Variants in LAPTM4A observed in about 807,000 individuals in gnomAD.
LAPTM4A encodes lysosomal protein transmembrane 4 alpha.
A neutral mutation model predicts 29.9 loss-of-function variants in LAPTM4A; 19 were observed. The ratio of observed to expected loss-of-function variants is 0.64; its 90% CI spans 0.44 to 0.93. The LOEUF is 0.93. Ranked by LOEUF, LAPTM4A falls within the 40% of genes least tolerant of loss-of-function variation. The pLI, the probability that LAPTM4A is intolerant of heterozygous loss-of-function variation, is 0.00. For synonymous variants in LAPTM4A, 105 were observed against 102.1 expected (o/e 1.03, Z -0.17); for missense variants, 293 against 288.5 (o/e 1.02, Z -0.11).
At position 20,046,785 on chromosome 2, in the gene LAPTM4A, TATATA is replaced by T. The variant is rs202010489; in HGVS notation, c.111+4620_111+4624del. 4.3e-3 allele frequency among the ~76,000 whole-genome samples: 632 copies of T among 145,524 alleles called. 2 individuals are homozygous for T. The highest frequency in any genetic ancestry group is 0.016 in the South Asian group (76 of 4,740). ...ATATATAATATAATATATAAATATATATATAATATAATATATATTTTTTTTTGGTA... is the reference window on the plus strand; with the variant it reads ...ATATATAATATAATATATAAATATATATATAATATATATTTTTTTTTGGTA... On this transcript the variant is annotated intron_variant, in intron 1 of 6. Transcript: ENST00000175091.
intron 5 of LAPTM4A, 55 bp downstream of exon 5, chr2:20,034,911 GT>G: frequency 7.8e-7 from 1 of 1,285,498 alleles, no homozygotes; most frequent in Non-Finnish European, 1.1e-6. Context: ...CAGCAAAAAG[GT>G]TTAGATTCAC....
chr2:20,044,146 A>G (rs911172109), intron 1 of LAPTM4A, among the ~76,000 whole-genome samples: 1 of 152,206 alleles, frequency 6.6e-6, no homozygotes, highest in African/African-American at 2.4e-5. Context: ...CCCAGTTGAA[A>G]GCTGATTTTT....
At chr2:20,046,069 CA>C (rs1673911706) in intron 1 of LAPTM4A, among the ~76,000 whole-genome samples, 1 of 152,142 alleles carries the variant, frequency 6.6e-6, no homozygotes, top group Non-Finnish European at 1.5e-5. Flanking sequence ...TGGAAACCAT[CA>C]TTCTCAGCAA....
intron 2 of LAPTM4A, among the ~76,000 whole-genome samples, chr2:20,040,434 T>C (rs1673769561): frequency 6.6e-6 from 1 of 152,226 alleles, no homozygotes; most frequent in Non-Finnish European, 1.5e-5. Flanking sequence ...CCTTATTATG[T>C]AACCATTTTA....
chr2:20,034,049 C>T (rs1673630738), intron 6 of LAPTM4A, among the ~76,000 whole-genome samples: 1 of 152,198 alleles, frequency 6.6e-6, no homozygotes, highest in Admixed American at 6.5e-5. Flanking sequence ...CAGCTGTTTC[C>T]TGTCATCTCC....
chr2:20,045,731 G>A (rs1343032728), intron 1 of LAPTM4A, among the ~76,000 whole-genome samples: 1 of 152,180 alleles, frequency 6.6e-6, no homozygotes, highest in Non-Finnish European at 1.5e-5. Context: ...AGGGCCTGAA[G>A]AGAGGAATTC....
intron 2 of LAPTM4A, among the ~76,000 whole-genome samples, chr2:20,039,046 A>T (rs1351119912): frequency 1.3e-5 from 2 of 152,146 alleles, no homozygotes; most frequent in East Asian, 3.9e-4. Flanking sequence ...CCTCCAGAGT[A>T]GCTAGGATTG....
chr2:20,040,455 A>T (rs1346506013), intron 2 of LAPTM4A, among the ~76,000 whole-genome samples: 1 of 152,236 alleles, frequency 6.6e-6, no homozygotes, highest in Non-Finnish European at 1.5e-5. Flanking sequence ...ACTTTCTGAA[A>T]TGTAACTTAA....
At position 20,034,338 on chromosome 2, in the gene LAPTM4A, A is replaced by C; in HGVS notation, c.606T>G (p.Pro202=). 1 of 1,613,594 alleles carries C rather than the reference A, an allele frequency of 6.2e-7. No individual in the cohort carries two copies. Residue 202 remains proline (P), a synonymous_variant, in exon 6 of 7, where the codon CCT becomes CCG. Coordinates refer to ENST00000175091, the MANE Select transcript of LAPTM4A (RefSeq NM_014713.5). ...NRNVPEIAVY[P]AFEAPPQYVL... ...TAACCTGAGGAGGTGCTTCAAAGGC[A>C]GGGTACACAGCAATCTCCGGCACGT...
At chr2:20,033,735 G>C (rs1870920) in intron 6 of LAPTM4A, among the ~76,000 whole-genome samples, 79 of 152,322 alleles carry the variant, frequency 5.2e-4, no homozygotes, top group African/African-American at 1.8e-3. Flanking sequence ...ATGTCTTCGA[G>C]GGTAACAGGC....
chr2:20,047,478 CAGG>C (rs1673953985), intron 1 of LAPTM4A, among the ~76,000 whole-genome samples: 2 of 148,918 alleles, frequency 1.3e-5, no homozygotes, highest in South Asian at 4.3e-4. Flanking sequence ...ATCATGAGGT[CAGG>C]AGATCGAGAC....
In LAPTM4A at chr2:20,046,162, G is replaced by A. The variant is rs181653234; in HGVS notation, c.112-5151C>T. On this transcript the variant is annotated intron_variant, in intron 1 of 6. Coordinates refer to ENST00000175091, the MANE Select transcript of LAPTM4A (RefSeq NM_014713.5). ...GAACAATGAGAACACTTGGACACAGGGTGGGGAACATCACACACCTACACC... is the reference window on the plus strand; with the variant it reads ...GAACAATGAGAACACTTGGACACAGAGTGGGGAACATCACACACCTACACC... Among the ~76,000 whole-genome samples the A allele has an allele frequency of 2.6e-5, 4 of 152,222 alleles. No individual in the cohort carries two copies. The East Asian group carries it at 5.8e-4, about 22-fold the overall frequency.
rs998480986 is a variant in LAPTM4A at position 20,050,881 on chromosome 2, A to G, written c.111+529T>C. ...TCTGGAGATGCAAGAGAGGCATGAAACAAAACAAAGTCCAAGAAACGCGGA... is the reference window on the plus strand; with the variant it reads ...TCTGGAGATGCAAGAGAGGCATGAAGCAAAACAAAGTCCAAGAAACGCGGA... On this transcript the variant is annotated intron_variant, in intron 1 of 6. Coordinates refer to ENST00000175091, the MANE Select transcript of LAPTM4A (RefSeq NM_014713.5). 4.6e-5 allele frequency among the ~76,000 whole-genome samples: 7 copies of G among 152,356 alleles called. No individual in the cohort carries two copies. In the Middle Eastern group the frequency reaches 0.01, roughly 222 times the overall value.
intron 6 of LAPTM4A, among the ~76,000 whole-genome samples, 181 bp from the exon 7 acceptor site, chr2:20,033,460 A>G (rs868024619): frequency 1.3e-5 from 2 of 152,146 alleles, no homozygotes; most frequent in Non-Finnish European, 2.9e-5. Flanking sequence ...TTTTACCAAG[A>G]TTGCTAGCGA....
intron 1 of LAPTM4A, among the ~76,000 whole-genome samples, chr2:20,051,165 T>A (rs776126520): frequency 1.3e-5 from 2 of 152,168 alleles, no homozygotes; most frequent in Non-Finnish European, 2.9e-5. Context: ...GCTTCTCTCC[T>A]CAAATTCTTG....
Position 20,037,427 on chromosome 2 carries a change from A to C in LAPTM4A, c.321T>G (p.Gly107=), listed in dbSNP as rs1204451458. 3.7e-6 allele frequency: 6 copies of C among 1,610,942 alleles called. No individual in the cohort carries two copies. The East Asian group carries it at 1.3e-4, about 36-fold the overall frequency. ...LVYGAISYQV[G]WLIPFFCYRL... is the part of the protein sequence containing the mutation. ...GGTAACAGAAGAATGGAATCAGCCA[A>C]CCCACTTGATACTGGAGAAAAAATA... Residue 107 remains glycine, a synonymous_variant, in exon 4 of 7, where the codon GGT becomes GGG. Coordinates refer to ENST00000175091, the MANE Select transcript of LAPTM4A (RefSeq NM_014713.5).
Position 20,034,356 on chromosome 2 carries a change from C to T in LAPTM4A, c.588G>A (p.Pro196=), listed in dbSNP as rs376978865. 73 of 1,614,018 alleles carry T rather than the reference C, an allele frequency of 4.5e-5. No homozygotes were observed. The East Asian group carries it at 1.1e-3, about 25-fold the overall frequency. Residue 196 remains proline (P), a synonymous_variant, in exon 6 of 7, where the codon CCG becomes CCA. Transcript: ENST00000175091. ...CAAAGGCAGGGTACACAGCAATCTCCGGCACGTTTCGGTTGTTGATGTATT... is the reference window on the plus strand; with the variant it reads ...CAAAGGCAGGGTACACAGCAATCTCTGGCACGTTTCGGTTGTTGATGTATT... ...CYKYINNRNV[P]EIAVYPAFEA...
intron 2 of LAPTM4A, among the ~76,000 whole-genome samples, chr2:20,038,740 G>C (rs754817395): frequency 7.7e-4 from 117 of 152,248 alleles, no homozygotes; most frequent in Middle Eastern, 3.4e-3. Context: ...TACTCTGAGA[G>C]ACTAAGGTGG....
chr2:20,039,491 T>G (rs768377), intron 2 of LAPTM4A, among the ~76,000 whole-genome samples: 19 of 152,128 alleles, frequency 1.2e-4, no homozygotes, highest in African/African-American at 4.6e-4. Flanking sequence ...CAGTGGCTCA[T>G]GCCTGTAATC....
Sources: gnomAD v4.1 joint callset for allele counts (sites outside exome capture counted in the v4.1 genomes callset) on GRCh38, gnomAD v4.1.1 for gene constraint, MANE v1.5 for transcripts, NCBI Gene and HGNC (gene_info 2026-07-23, HGNC 2026-07-21) for gene names.